GATA4: variants seen among roughly 807,000 people sequenced by gnomAD.
GATA4 encodes GATA binding protein 4.
Under a neutral mutation model 37.9 loss-of-function variants are expected in GATA4, and 7 were observed. That is an observed-to-expected ratio of 0.18 (90% CI 0.11 to 0.35). The LOEUF (loss-of-function observed/expected upper bound fraction) is 0.35. Ranked by LOEUF, GATA4 falls within the 10% of genes least tolerant of loss-of-function variation. The probability of loss-of-function intolerance (pLI) is 1.00; values close to 1 mark genes in which losing one functional copy is unlikely to be tolerated. For missense variants in GATA4, 647 were observed against 653.0 expected, an observed-to-expected ratio of 0.99 and a Z score of 0.10; for synonymous variants, 372 against 292.6, an observed-to-expected ratio of 1.27 and a Z score of -2.77.
intron 4 of GATA4, among the ~76,000 whole-genome samples, chr8:11,753,265 A>C (rs1802388221): frequency 6.6e-6 from 1 of 152,226 alleles, no homozygotes; most frequent in Non-Finnish European, 1.5e-5. Flanking sequence ...CCACATGTCA[A>C]ATCCATAGAG....
At chr8:11,696,093 CTT>C (rs1014925128) in intron 1 of GATA4, among the ~76,000 whole-genome samples, 8 of 152,180 alleles carry the variant, frequency 5.3e-5, no homozygotes, top group African/African-American at 1.7e-4. Context: ...CACCTGTGCT[CTT>C]TTTCCTTCTG....
upstream of GATA4, among the ~76,000 whole-genome samples, chr8:11,703,898 C>T (rs1031215936): frequency 6.6e-5 from 10 of 152,140 alleles, no homozygotes. Flanking sequence ...GAAGGGGGGG[C>T]GGGGAGGGAG....
chr8:11,746,258 A>G (rs1346608768), intron 2 of GATA4, among the ~76,000 whole-genome samples: 1 of 152,046 alleles, frequency 6.6e-6, no homozygotes, highest in Non-Finnish European at 1.5e-5. Flanking sequence ...AGATAGAAAA[A>G]GTAAAATAGA....
intron 2 of GATA4, among the ~76,000 whole-genome samples, chr8:11,738,937 C>T (rs1203074833): frequency 6.6e-6 from 1 of 152,250 alleles, no homozygotes; most frequent in East Asian, 1.9e-4. Flanking sequence ...CATGTACATT[C>T]TACCCTGGCT....
upstream of GATA4, among the ~76,000 whole-genome samples, chr8:11,701,200 A>G (rs188576696): frequency 5.9e-4 from 90 of 151,628 alleles, no homozygotes; most frequent in Middle Eastern, 6.8e-3. Context: ...TTGTTTGTCT[A>G]AAATCTGACG....
chr8:11,685,589 G>C (rs4841582), intron 1 of GATA4, among the ~76,000 whole-genome samples: 15,698 of 152,194 alleles, frequency 0.1, 2,788 homozygotes, highest in African/African-American at 0.36. Flanking sequence ...AACAGCCCTG[G>C]ACTCCTGATT....
chr8:11,685,824 G>C (rs80024731), intron 1 of GATA4, among the ~76,000 whole-genome samples: 1,788 of 152,296 alleles, frequency 0.012, 32 homozygotes, highest in East Asian at 0.057. Context: ...GCCAGGTGTG[G>C]GGTAGTGATG....
At chr8:11,699,096 C>A (rs556175828) in intron 1 of GATA4, among the ~76,000 whole-genome samples, 43 of 152,336 alleles carry the variant, frequency 2.8e-4, no homozygotes, top group African/African-American at 9.6e-4. Flanking sequence ...CTACTGTAAT[C>A]CTTGCTTTGG....
At chr8:11,705,929 AATTAC>A (rs1799870614) in intron 1 of GATA4, 1 of 152,358 alleles carries the variant, frequency 6.6e-6, no homozygotes, top group African/African-American at 2.4e-5. Flanking sequence ...AAAGAAAAAA[AATTAC>A]ATTATCTTGA....
intron 1 of GATA4, among the ~76,000 whole-genome samples, chr8:11,695,079 G>A (rs1799464495): frequency 6.6e-6 from 1 of 152,202 alleles, no homozygotes; most frequent in African/African-American, 2.4e-5. Flanking sequence ...ATCGTGACCT[G>A]CAACTGAGCG....
intron 1 of GATA4, among the ~76,000 whole-genome samples, chr8:11,694,967 A>G (rs139636009): frequency 6.6e-6 from 1 of 152,264 alleles, no homozygotes; most frequent in Non-Finnish European, 1.5e-5. Context: ...TGTCCACTAG[A>G]CTATAATTGC....
At chr8:11,731,538 G>A (rs1409180553) in intron 2 of GATA4, among the ~76,000 whole-genome samples, 2 of 152,174 alleles carry the variant, frequency 1.3e-5, no homozygotes, top group Non-Finnish European at 2.9e-5. Flanking sequence ...AATTCATGAC[G>A]ACAGAAAGCA....
chr8:11,697,705 TCGCGCTTCC>T, intron 1 of GATA4: 1 of 985,418 alleles, frequency 1.0e-6, no homozygotes. Context: ...CACTTGGGCT[TCGCGCTTCC>T]TTGACACTTT....
intron 2 of GATA4, among the ~76,000 whole-genome samples, chr8:11,712,995 T>C (rs1357817522): frequency 6.6e-6 from 1 of 152,230 alleles, no homozygotes; most frequent in Non-Finnish European, 1.5e-5. Flanking sequence ...CTATACAGAC[T>C]AATTAACCTT....
upstream of GATA4, among the ~76,000 whole-genome samples, chr8:11,689,753 C>T (rs116170345): frequency 8.5e-5 from 13 of 152,198 alleles, no homozygotes; most frequent in Non-Finnish European, 1.5e-4. Context: ...TGGGCAGCAG[C>T]TCTAACCAGG....
chr8:11,719,000 T>C lies in GATA4; in HGVS notation c.616+10072T>C, dbSNP rs150873631. ...ATTCAAACAACTCAATTTGGTTGCT[T>C]ATCTAGAGGTTTTCCTATCTTATGA... is the stretch of plus-strand genomic sequence containing the variant. On this transcript the variant is annotated intron_variant, in intron 2 of 6. Coordinates refer to ENST00000532059, the MANE Select transcript of GATA4 (RefSeq NM_001308093.3). Among the ~76,000 whole-genome samples, 143 of 152,360 alleles carry C rather than the reference T, an allele frequency of 9.4e-4. 1 individual carries two copies. The Middle Eastern group carries it at 0.02, about 22-fold the overall frequency.
At chr8:11,742,767 T>C (rs1226337069) in intron 2 of GATA4, among the ~76,000 whole-genome samples, 1 of 152,258 alleles carries the variant, frequency 6.6e-6, no homozygotes, top group Non-Finnish European at 1.5e-5. Context: ...TGTTTGGGCC[T>C]CGTGCCCCAC....
chr8:11,718,854 A>G (rs1800546104), intron 2 of GATA4, among the ~76,000 whole-genome samples: 1 of 152,258 alleles, frequency 6.6e-6, no homozygotes, highest in South Asian at 2.1e-4. Flanking sequence ...TAAACGCTGA[A>G]GTCTCAAAGT....
chr8:11,712,648 G>T (rs1297925367), intron 2 of GATA4, among the ~76,000 whole-genome samples: 1 of 149,812 alleles, frequency 6.7e-6, no homozygotes, highest in Non-Finnish European at 1.5e-5. Context: ...TTGAGCTCGG[G>T]AGTTTGAGAC....
Sources: gnomAD v4.1 joint callset for allele counts (sites outside exome capture counted in the v4.1 genomes callset) on GRCh38, gnomAD v4.1.1 for gene constraint, MANE v1.5 for transcripts, NCBI Gene and HGNC (gene_info 2026-07-23, HGNC 2026-07-21) for gene names.